NDFIP2: variants seen among roughly 807,000 people sequenced by gnomAD.
The protein encoded by NDFIP2 is Nedd4 family interacting protein 2, also known as NEDD4 family-interacting protein 2.
NDFIP2 carries 19 observed loss-of-function variants against 36.0 expected under a neutral mutation model. The observed-to-expected ratio is 0.53, with a 90% CI of 0.37 to 0.77. The LOEUF is 0.77. Ranked by LOEUF, NDFIP2 falls within the 30% of genes least tolerant of loss-of-function variation. The probability of loss-of-function intolerance (pLI) is 0.00; values close to 1 mark genes in which losing one functional copy is unlikely to be tolerated. For missense variants in NDFIP2, 446 were observed against 435.8 expected (o/e 1.02, Z -0.21); for synonymous variants, 181 against 167.7 (o/e 1.08, Z -0.61).
intron 1 of NDFIP2, among the ~76,000 whole-genome samples, chr13:79,516,664 T>G (rs1874352585): frequency 6.6e-6 from 1 of 152,200 alleles, no homozygotes; most frequent in Non-Finnish European, 1.5e-5. Context: ...TAAAAATGAT[T>G]TTTTAAAAAT....
rs1242725277 is a variant in NDFIP2 at position 79,554,282 on chromosome 13, A to G, written c.*1769A>G. ...AGTTAATTAAAATTAAACTGTACTAATAACATATTCAAACTCATGCTGGAT... is the reference window on the plus strand; with the variant it reads ...AGTTAATTAAAATTAAACTGTACTAGTAACATATTCAAACTCATGCTGGAT... On this transcript the variant is annotated 3_prime_UTR_variant, in exon 8 of 8. Transcript: ENST00000218652. 1 of 151,798 alleles carries G rather than the reference A, an allele frequency of 6.6e-6. No individual in the cohort carries two copies. Among genetic ancestry groups the G allele is most frequent in the African/African-American group, 2.4e-5 (1 of 41,434 alleles). 9.4% of individuals were successfully genotyped at this position (151,798 alleles called of 1,614,324 possible).
intron 1 of NDFIP2, among the ~76,000 whole-genome samples, chr13:79,510,265 C>A (rs10507899): frequency 0.067 from 10,144 of 151,988 alleles, 714 homozygotes; most frequent in African/African-American, 0.17. Context: ...TTGTAAGTCA[C>A]TGATGCTTTT....
In NDFIP2 at chr13:79,533,794, C is replaced by A. The variant is rs1375852776; in HGVS notation, c.621+338C>A. On this transcript the variant is annotated intron_variant, in intron 3 of 7. Transcript: ENST00000218652. Reference sequence around the variant, plus strand: ...ACTGTTTATGTTATCAGTAAGGCTTCTAGTTAACAATAGGCTGTGAGTCGT... The same window carrying A: ...ACTGTTTATGTTATCAGTAAGGCTTATAGTTAACAATAGGCTGTGAGTCGT... Among the ~76,000 whole-genome samples the A allele has an allele frequency of 1.8e-4, 27 of 152,178 alleles. No homozygotes were observed. In the South Asian group the frequency reaches 5.6e-3, roughly 32 times the overall value.
chr13:79,531,712 T>C lies in NDFIP2; in HGVS notation c.488-1611T>C, dbSNP rs138681138. On this transcript the variant is annotated intron_variant, in intron 2 of 7. Coordinates refer to ENST00000218652, the MANE Select transcript of NDFIP2 (RefSeq NM_019080.3). ...CTCACTTCTCTCAGTCTTCATAGAA[T>C]TGAAGAGAGTCAGCACCTTGCTCTG... Among the ~76,000 whole-genome samples the C allele has an allele frequency of 2.4e-4, 36 of 152,340 alleles. 1 individual carries two copies. In the East Asian group the frequency reaches 6.7e-3, roughly 29 times the overall value.
chr13:79,498,782 G>A (rs1033978711), intron 1 of NDFIP2, among the ~76,000 whole-genome samples: 2 of 151,944 alleles, frequency 1.3e-5, no homozygotes, highest in African/African-American at 4.8e-5. Context: ...TGTTGCACTG[G>A]AGATTAAGTT....
intron 1 of NDFIP2, among the ~76,000 whole-genome samples, chr13:79,512,375 G>T (rs1479920059): frequency 1.3e-5 from 2 of 152,006 alleles, no homozygotes; most frequent in Non-Finnish European, 2.9e-5. Context: ...AAGCAGCTTT[G>T]TTATCAAGCA....
At chr13:79,533,719 C>T (rs914922448) in intron 3 of NDFIP2, among the ~76,000 whole-genome samples, 5 of 151,900 alleles carry the variant, frequency 3.3e-5, no homozygotes, top group Admixed American at 1.3e-4. Flanking sequence ...TAAGAAAAGG[C>T]CTGTAATGAA....
intron 2 of NDFIP2, among the ~76,000 whole-genome samples, chr13:79,532,673 C>T (rs1327632914): frequency 2.0e-5 from 3 of 152,134 alleles, no homozygotes; most frequent in Admixed American, 6.5e-5. Flanking sequence ...AAAAGTAAAA[C>T]TTCAATCTTT....
intron 1 of NDFIP2, among the ~76,000 whole-genome samples, chr13:79,519,625 C>T (rs943282420): frequency 2.6e-5 from 4 of 152,170 alleles, no homozygotes; most frequent in African/African-American, 9.7e-5. Context: ...TAATAACAGT[C>T]TCTGTCTCCT....
chr13:79,552,040 A>G (rs1401483501), intron 7 of NDFIP2, among the ~76,000 whole-genome samples: 1 of 151,342 alleles, frequency 6.6e-6, no homozygotes, highest in Non-Finnish European at 1.5e-5. Flanking sequence ...TATCATTTAT[A>G]TAAGTTATAC....
intron 2 of NDFIP2, among the ~76,000 whole-genome samples, chr13:79,524,035 A>G (rs1466968555): frequency 1.3e-5 from 2 of 152,216 alleles, no homozygotes; most frequent in East Asian, 3.8e-4. Flanking sequence ...ATCATATTCT[A>G]TAATTTTGAC....
chr13:79,510,184 GT>G (rs1475669250), intron 1 of NDFIP2, among the ~76,000 whole-genome samples: 2 of 152,042 alleles, frequency 1.3e-5, no homozygotes, highest in Non-Finnish European at 2.9e-5. Flanking sequence ...TTTTTTGTAT[GT>G]TTTTTAAGAG....
At position 79,513,425 on chromosome 13, in the gene NDFIP2, G is replaced by A. The variant is rs977651683; in HGVS notation, c.322-7385G>A. Reference sequence around the variant, plus strand: ...CTTCAAAAAATGTCATCTTTTAAAAGTAAACTTAAAATATATCTAACACAT... The same window carrying A: ...CTTCAAAAAATGTCATCTTTTAAAAATAAACTTAAAATATATCTAACACAT... On this transcript the variant is annotated intron_variant, in intron 1 of 7. Coordinates refer to ENST00000218652, the MANE Select transcript of NDFIP2 (RefSeq NM_019080.3). Among the ~76,000 whole-genome samples the A allele has an allele frequency of 3.3e-5, 5 of 152,158 alleles. No homozygotes were observed. The South Asian group carries it at 8.3e-4, about 25-fold the overall frequency.
At chr13:79,552,428 A>G (rs1473658086) in intron 7 of NDFIP2, 88 bp from the exon 8 acceptor site, 1 of 151,798 alleles carries the variant, frequency 6.6e-6, no homozygotes, top group Non-Finnish European at 1.5e-5. Context: ...ACTTAATATA[A>G]TTCTTCTATA....
chr13:79,513,118 G>A (rs772534972), intron 1 of NDFIP2, among the ~76,000 whole-genome samples: 1 of 152,196 alleles, frequency 6.6e-6, no homozygotes, highest in Non-Finnish European at 1.5e-5. Flanking sequence ...ATCCTGCCCA[G>A]GAGGAGAGCC....
chr13:79,502,111 T>C (rs189195402), intron 1 of NDFIP2, among the ~76,000 whole-genome samples: 238 of 152,120 alleles, frequency 1.6e-3, no homozygotes, highest in Admixed American at 2.9e-3. Flanking sequence ...ATTGACTGAA[T>C]GAAAATGCAT....
At chr13:79,534,372 T>TG (rs1875145229) in intron 3 of NDFIP2, among the ~76,000 whole-genome samples, 1 of 149,960 alleles carries the variant, frequency 6.7e-6, no homozygotes, top group Admixed American at 6.6e-5. Flanking sequence ...TTTTTTTTTT[T>TG]TGATAACATT....
rs1392895876 is a variant in NDFIP2, at chr13:79,555,241, C to T, written c.*2728C>T. Reference sequence around the variant, plus strand: ...TTCCTTCATTAAATATAATTTTTTTCATCTAGTATGTACTATTTCAAGAAG... The same window carrying T: ...TTCCTTCATTAAATATAATTTTTTTTATCTAGTATGTACTATTTCAAGAAG... On this transcript the variant is annotated 3_prime_UTR_variant, in exon 8 of 8. Coordinates refer to ENST00000218652, the MANE Select transcript of NDFIP2 (RefSeq NM_019080.3). The T allele has an allele frequency of 6.8e-6, 1 of 147,374 alleles. No individual in the cohort carries two copies. Among genetic ancestry groups the T allele is most frequent in the Non-Finnish European group, 1.5e-5 (1 of 66,850 alleles). 9.1% of individuals were successfully genotyped at this position (147,374 alleles called of 1,614,324 possible). A position where few individuals can be genotyped will look rare whatever the true frequency, so the allele number is the denominator to read the frequency against.
intron 7 of NDFIP2, among the ~76,000 whole-genome samples, chr13:79,552,240 T>C (rs1399403599): frequency 6.6e-6 from 1 of 151,324 alleles, no homozygotes; most frequent in African/African-American, 2.4e-5. Context: ...TCAGTATTAA[T>C]AATAAGATTA....
Sources: allele counts gnomAD v4.1 joint callset (sites outside exome capture counted in the v4.1 genomes callset), GRCh38; gene constraint gnomAD v4.1.1; transcripts MANE v1.5; gene names NCBI Gene and HGNC (gene_info 2026-07-23, HGNC 2026-07-21).